The following ENKUR variants were observed in gnomAD, a reference collection of about 807,000 sequenced individuals.
The protein encoded by ENKUR is enkurin, TRPC channel interacting protein, also known as enkurin.
A neutral mutation model predicts 27.6 loss-of-function variants in ENKUR; 19 were observed. That is an observed-to-expected ratio of 0.69 (90% CI 0.48 to 1.01). The LOEUF (loss-of-function observed/expected upper bound fraction) is 1.01. Ranked by LOEUF, ENKUR falls within the 50% of genes least tolerant of loss-of-function variation. The pLI, the probability that ENKUR is intolerant of heterozygous loss-of-function variation, is 0.00. For synonymous variants in ENKUR, 117 were observed against 96.9 expected (o/e 1.21, Z -1.22); for missense variants, 312 against 310.5 (o/e 1.00, Z -0.04).
At chr10:25,059,524 G>T (rs1851302860) in intron 2 of ENKUR, among the ~76,000 whole-genome samples, 1 of 152,110 alleles carries the variant, frequency 6.6e-6, no homozygotes. Flanking sequence ...AAACATCAAG[G>T]CAGCTTTCAA....
intron 2 of ENKUR, among the ~76,000 whole-genome samples, chr10:25,030,138 C>G (rs1850918876): frequency 6.6e-6 from 1 of 152,132 alleles, no homozygotes; most frequent in Non-Finnish European, 1.5e-5. Flanking sequence ...CCTATAGGGT[C>G]TCTCTAGTCA....
intron 2 of ENKUR, among the ~76,000 whole-genome samples, chr10:25,028,079 GA>G (rs1209366538): frequency 4.6e-5 from 7 of 152,152 alleles, no homozygotes; most frequent in Admixed American, 6.5e-5. Flanking sequence ...AATCTAAGAT[GA>G]ATCTTGAAGG....
chr10:25,051,541 G>A (rs1851186017), intron 2 of ENKUR, among the ~76,000 whole-genome samples: 1 of 152,158 alleles, frequency 6.6e-6, no homozygotes, highest in African/African-American at 2.4e-5. Context: ...GTGAAGGCAG[G>A]AGCAAGGGAC....
In ENKUR at chr10:24,984,963, G is replaced by T. The variant is rs77695985; in HGVS notation, c.595-58C>A. ...AGCAAACTGCAAAAGTAAAGGAAAT[G>T]GGAAAAGCTAATTGGTAATGAAAAA... On this transcript the variant is annotated intron_variant, in intron 4 of 5. Coordinates refer to ENST00000331161, the MANE Select transcript of ENKUR (RefSeq NM_145010.4). The T allele has an allele frequency of 3.8e-3, 5,004 of 1,318,088 alleles. 165 individuals are homozygous for T. The African/African-American group carries it at 0.066, about 17-fold the overall frequency. The allele number at this position is 1,318,088 out of a possible 1,614,324, so 81.6% of individuals were successfully genotyped here. A position where few individuals can be genotyped will look rare whatever the true frequency, so the allele number is the denominator to read the frequency against.
chr10:24,999,494 T>A lies in ENKUR; in HGVS notation c.130A>T (p.Thr44Ser). The A allele has an allele frequency of 6.2e-7, 1 of 1,613,004 alleles. No homozygotes were observed. The change falls in exon 2 of 6, where the codon ACT becomes TCT. Residue 44 changes from threonine (T) to serine (S), a missense_variant. Coordinates refer to ENST00000331161, the MANE Select transcript of ENKUR (RefSeq NM_145010.4). ...GCTGGTCCCATAGTTTTCATTGCAG[T>A]TTTAGCTTTTTGCATGTCATCTTTT... ...TVKDDMQKAKTAMKTMGPAKV... is the reference protein window; with the variant it reads ...TVKDDMQKAKSAMKTMGPAKV...
intron 2 of ENKUR, among the ~76,000 whole-genome samples, chr10:25,030,992 C>T (rs532744864): frequency 6.6e-6 from 1 of 152,246 alleles, no homozygotes; most frequent in South Asian, 2.1e-4. Flanking sequence ...TTGGTGGGCA[C>T]CTGTAATCCC....
intron 2 of ENKUR, chr10:25,023,231 A>G (rs780339794): frequency 6.2e-7 from 1 of 1,610,646 alleles, no homozygotes; most frequent in South Asian, 1.1e-5. Context: ...AGAATGCTCC[A>G]CTTTAACCGA....
chr10:25,032,362 A>G (rs975347787), intron 2 of ENKUR, among the ~76,000 whole-genome samples: 6 of 151,862 alleles, frequency 4.0e-5, no homozygotes, highest in African/African-American at 1.5e-4. Flanking sequence ...ATTTTTCAGT[A>G]TGGAACCTCT....
chr10:25,014,618 A>T (rs144182797), intron 1 of ENKUR, among the ~76,000 whole-genome samples: 2 of 152,336 alleles, frequency 1.3e-5, no homozygotes, highest in South Asian at 2.1e-4. Flanking sequence ...TATTCTATAG[A>T]AATACAATCT....
At chr10:25,005,238 A>C (rs985390056) in intron 1 of ENKUR, among the ~76,000 whole-genome samples, 1 of 152,180 alleles carries the variant, frequency 6.6e-6, no homozygotes, top group Non-Finnish European at 1.5e-5. Context: ...GAATTATGAG[A>C]TATGGGCTAA....
chr10:24,989,170 A>G (rs1849870709), intron 4 of ENKUR, among the ~76,000 whole-genome samples: 1 of 152,190 alleles, frequency 6.6e-6, no homozygotes, highest in Non-Finnish European at 1.5e-5. Context: ...CTTTCTGAAA[A>G]TGGGAAAATC....
intron 2 of ENKUR, among the ~76,000 whole-genome samples, chr10:25,043,838 ATTCT>A (rs1169144058): frequency 1.3e-5 from 2 of 149,530 alleles, no homozygotes; most frequent in South Asian, 2.1e-4. Context: ...TAGTTAACTG[ATTCT>A]TTCTTCTGTT....
chr10:25,048,615 G>A (rs185761370), intron 2 of ENKUR, among the ~76,000 whole-genome samples: 29 of 152,050 alleles, frequency 1.9e-4, no homozygotes, highest in Admixed American at 5.2e-4. Context: ...TCCCACACAG[G>A]CAATGGCCCA....
intron 1 of ENKUR, among the ~76,000 whole-genome samples, chr10:25,012,232 G>T (rs1243506496): frequency 6.6e-6 from 1 of 152,242 alleles, no homozygotes; most frequent in Non-Finnish European, 1.5e-5. Flanking sequence ...GTGCTTCGGG[G>T]CAGAGCCCTC....
At chr10:25,032,438 A>C (rs909086545) in intron 2 of ENKUR, among the ~76,000 whole-genome samples, 2 of 152,034 alleles carry the variant, frequency 1.3e-5, no homozygotes, top group African/African-American at 2.4e-5. Context: ...CCAGAATTTG[A>C]AGTCTCTCCG....
In ENKUR at chr10:24,990,520, G is replaced by A. The variant is rs1247878664; in HGVS notation, c.537C>T (p.Asn179=). The change falls in exon 4 of 6, where the codon AAC becomes AAT. Residue 179 remains asparagine, a synonymous_variant. Coordinates refer to ENST00000331161, the MANE Select transcript of ENKUR (RefSeq NM_145010.4). ...QEDYDRYIQE[N]LKKAAMKRLS... is the part of the protein sequence containing the mutation. ...GCCTTTTCATAGCTGCTTTCTTAAG[G>A]TTTTCCTGGATATAACGATCATAGT... The A allele has an allele frequency of 6.2e-7, 1 of 1,613,728 alleles. No individual in the cohort carries two copies. The highest frequency in any genetic ancestry group is 1.3e-5 in the African/African-American group (1 of 74,888).
intron 1 of ENKUR, among the ~76,000 whole-genome samples, chr10:25,003,585 T>C (rs1233836719): frequency 2.0e-5 from 3 of 152,338 alleles, no homozygotes; most frequent in East Asian, 1.9e-4. Context: ...ACATAAATCT[T>C]ATTCTTTCTG....
intron 2 of ENKUR, among the ~76,000 whole-genome samples, chr10:25,042,619 T>C (rs547840911): frequency 2.0e-5 from 3 of 151,830 alleles, no homozygotes; most frequent in African/African-American, 7.3e-5. Flanking sequence ...AAGTCAGAAA[T>C]TAGTTCAAAA....
At chr10:24,984,953 T>A in intron 4 of ENKUR, 48 bp from the exon 5 acceptor site, 1 of 1,441,440 alleles carries the variant, frequency 6.9e-7, no homozygotes, top group Non-Finnish European at 9.6e-7. Flanking sequence ...ACTGCAAAAG[T>A]AAAGGAAATG....
Sources: gnomAD v4.1 joint callset for allele counts (sites outside exome capture counted in the v4.1 genomes callset) on GRCh38, gnomAD v4.1.1 for gene constraint, MANE v1.5 for transcripts, NCBI Gene and HGNC (gene_info 2026-07-23, HGNC 2026-07-21) for gene names.